The following MTFR2 variants were observed in gnomAD, a reference collection of about 807,000 sequenced individuals.
The protein encoded by MTFR2 is mitochondrial fission regulator 2, also known as DUF729 domain-containing protein 1.
A neutral mutation model predicts 41.2 loss-of-function variants in MTFR2; 44 were observed. The observed-to-expected ratio is 1.07, with a 90% CI of 0.84 to 1.37. MTFR2 has a LOEUF of 1.37. MTFR2 is among the 40% of genes most tolerant of loss of function. The pLI is 0.00. For synonymous variants in MTFR2, 141 were observed against 154.6 expected (o/e 0.91, Z 0.65); for missense variants, 452 against 459.5 (o/e 0.98, Z 0.15).
intron 7 of MTFR2, among the ~76,000 whole-genome samples, chr6:136,232,195 G>A (rs12111110): frequency 0.019 from 2,863 of 152,178 alleles, 95 homozygotes; most frequent in African/African-American, 0.064. Context: ...CACAGAGGCT[G>A]CACACACTGG....
At chr6:136,247,765 G>A (rs1191284334) in intron 2 of MTFR2, among the ~76,000 whole-genome samples, 1 of 152,082 alleles carries the variant, frequency 6.6e-6, no homozygotes, top group African/African-American at 2.4e-5. Flanking sequence ...ATAAACAAAT[G>A]TTCAGCTGTT....
rs370304018 is a variant in MTFR2, at chr6:136,231,086, C to T, written c.*189G>A. On this transcript the variant is annotated 3_prime_UTR_variant, in exon 8 of 8. Transcript: ENST00000420702. ...TATGTACAGAAGAACAGAGTATAAACGTAAAAAGGAACAAAGGAAACAAAA... is the reference window on the plus strand; with the variant it reads ...TATGTACAGAAGAACAGAGTATAAATGTAAAAAGGAACAAAGGAAACAAAA... 12 of 521,506 alleles carry T rather than the reference C, an allele frequency of 2.3e-5. No homozygotes were observed. The highest frequency in any genetic ancestry group is 7.1e-5 in the Admixed American group (2 of 28,008). The allele number at this position is 521,506 out of a possible 1,614,324, so 32.3% of individuals were successfully genotyped here.
chr6:136,239,368 G>GA (rs1779987341), intron 6 of MTFR2, 98 bp downstream of exon 6: 1 of 916,990 alleles, frequency 1.1e-6, no homozygotes, highest in South Asian at 1.9e-5. Context: ...AGAAGAATAA[G>GA]AAAAAAGACA....
chr6:136,239,396 A>G (rs1583964600), intron 6 of MTFR2, 70 bp downstream of exon 6: 1 of 1,173,156 alleles, frequency 8.5e-7, no homozygotes, highest in South Asian at 1.6e-5. Flanking sequence ...TAATTTTCAT[A>G]AACATAATAA....
In MTFR2 at chr6:136,231,176, C is replaced by T. The variant is rs775734522; in HGVS notation, c.*99G>A. ...ATGTGTCAAGAAGAGTCTTTAAATA[C>T]ATCTACTTTTAGCCTTTAACAGTCC... On this transcript the variant is annotated 3_prime_UTR_variant, in exon 8 of 8. Transcript: ENST00000420702. 18 of 737,850 alleles carry T rather than the reference C, an allele frequency of 2.4e-5. No individual in the cohort carries two copies. The highest frequency in any genetic ancestry group is 4.0e-5 in the Non-Finnish European group (18 of 445,000). The allele number at this position is 737,850 out of a possible 1,614,324, so 45.7% of individuals were successfully genotyped here. A position where few individuals can be genotyped will look rare whatever the true frequency, so the allele number is the denominator to read the frequency against.
chr6:136,247,394 G>T, intron 2 of MTFR2: 6 of 392,422 alleles, frequency 1.5e-5, no homozygotes, highest in Admixed American at 3.5e-5. Flanking sequence ...CTTTCATTCT[G>T]TTCTTTAAGG....
intron 7 of MTFR2, among the ~76,000 whole-genome samples, chr6:136,232,881 T>C (rs570799284): frequency 6.6e-6 from 1 of 152,346 alleles, no homozygotes; most frequent in African/African-American, 2.4e-5. Flanking sequence ...CATTTGCTTT[T>C]TTACATGCAG....
At chr6:136,236,867 A>G (rs1779920866) in intron 6 of MTFR2, among the ~76,000 whole-genome samples, 1 of 152,222 alleles carries the variant, frequency 6.6e-6, no homozygotes, top group African/African-American at 2.4e-5. Context: ...GTGAAATCCT[A>G]CTAAAATGAC....
intron 6 of MTFR2, 103 bp from the exon 7 acceptor site, chr6:136,233,602 T>C: frequency 3.3e-6 from 3 of 906,954 alleles, no homozygotes; most frequent in Admixed American, 6.5e-5. Flanking sequence ...ACAATTTAAT[T>C]AGTCTTCAAG....
intron 6 of MTFR2, 104 bp from the exon 7 acceptor site, chr6:136,233,603 A>T: frequency 6.0e-6 from 5 of 834,920 alleles, no homozygotes; most frequent in Non-Finnish European, 8.5e-6. Context: ...CAATTTAATT[A>T]GTCTTCAAGA....
At chr6:136,249,651 T>C (rs1371415909) in intron 1 of MTFR2, among the ~76,000 whole-genome samples, 1 of 152,206 alleles carries the variant, frequency 6.6e-6, no homozygotes, top group African/African-American at 2.4e-5. Flanking sequence ...GCTTCCCCCA[T>C]ACTATGCTCG....
rs372978977 is a variant in MTFR2, at chr6:136,244,298, C to T, written c.168+467G>A. 4.6e-5 allele frequency among the ~76,000 whole-genome samples: 7 copies of T among 152,246 alleles called. No homozygotes were observed. In the East Asian group the frequency reaches 7.7e-4, roughly 17 times the overall value. On this transcript the variant is annotated intron_variant, in intron 3 of 7. Coordinates refer to ENST00000420702, the MANE Select transcript of MTFR2 (RefSeq NM_001099286.3). ...ATTCATGGTAGGTGCCCTATACGGACGTAACATTTTTTATCTAATTTTTAC... is the reference window on the plus strand; with the variant it reads ...ATTCATGGTAGGTGCCCTATACGGATGTAACATTTTTTATCTAATTTTTAC...
intron 7 of MTFR2, among the ~76,000 whole-genome samples, chr6:136,232,120 G>T (rs1476166387): frequency 6.6e-6 from 1 of 152,114 alleles, no homozygotes; most frequent in Non-Finnish European, 1.5e-5. Flanking sequence ...ATAGTTAAAA[G>T]AATATAATTT....
rs921655148 is a variant in MTFR2, at chr6:136,231,331, T to C, written c.1102A>G (p.Thr368Ala). The stretch of plus-strand genomic sequence containing the variant: ...CTGATACCTTGGTCAACAGCTTTTG[T>C]GTTGACCATTTCTTCTTTAGTTCGC... ...GQRTKEEMVN[T>A]KAVDQGISNT... is the part of the protein sequence containing the mutation. The change falls in exon 8 of 8, where the codon ACA (threonine) becomes GCA (alanine). Residue 368 changes from threonine to alanine, a missense_variant. Thr to Ala is a moderately conservative substitution (Grantham distance 58, BLOSUM62 0). Coordinates refer to ENST00000420702, the MANE Select transcript of MTFR2 (RefSeq NM_001099286.3). 2 of 1,613,144 alleles carry C rather than the reference T, an allele frequency of 1.2e-6. No homozygotes were observed. The highest frequency in any genetic ancestry group is 1.7e-6 in the Non-Finnish European group (2 of 1,179,730).
At chr6:136,232,400 A>C (rs114317554) in intron 7 of MTFR2, among the ~76,000 whole-genome samples, 5,675 of 152,262 alleles carry the variant, frequency 0.037, 381 homozygotes, top group African/African-American at 0.13. Flanking sequence ...AATTAATTAC[A>C]GATGCGTGCC....
chr6:136,242,488 G>A (rs921420906), intron 4 of MTFR2, among the ~76,000 whole-genome samples: 3 of 152,160 alleles, frequency 2.0e-5, no homozygotes, highest in African/African-American at 7.2e-5. Flanking sequence ...TGTGCTTAGA[G>A]CCTGTATCTG....
At chr6:136,243,314 G>A (rs1780130500) in intron 3 of MTFR2, among the ~76,000 whole-genome samples, 1 of 152,044 alleles carries the variant, frequency 6.6e-6, no homozygotes. Context: ...ATATACATGG[G>A]GTCACATAAG....
At chr6:136,242,531 G>A (rs1780107524) in intron 4 of MTFR2, among the ~76,000 whole-genome samples, 1 of 152,060 alleles carries the variant, frequency 6.6e-6, no homozygotes, top group Admixed American at 6.5e-5. Flanking sequence ...TACTCCCTAG[G>A]AGTAACACAT....
At chr6:136,248,418 T>C (rs2128459786) in intron 2 of MTFR2, among the ~76,000 whole-genome samples, 2 of 152,330 alleles carry the variant, frequency 1.3e-5, no homozygotes, top group African/African-American at 4.8e-5. Flanking sequence ...ATGCTCGTGG[T>C]AGTGAATAAG....
Sources: allele counts gnomAD v4.1 joint callset (sites outside exome capture counted in the v4.1 genomes callset), GRCh38; gene constraint gnomAD v4.1.1; transcripts MANE v1.5; gene names NCBI Gene and HGNC (gene_info 2026-07-23, HGNC 2026-07-21).